Variants in MKLN1 observed in about 807,000 individuals in gnomAD.
The protein encoded by MKLN1 is muskelin 1.
In MKLN1, 18 loss-of-function variants were observed where a neutral mutation model predicts 99.0. That is an observed-to-expected ratio of 0.18 (90% CI 0.13 to 0.27). The LOEUF (loss-of-function observed/expected upper bound fraction) is 0.27. Ranked by LOEUF, MKLN1 falls within the 10% of genes least tolerant of loss-of-function variation. The pLI is 1.00. For missense variants in MKLN1, 621 were observed against 875.9 expected (o/e 0.71, Z 3.67); for synonymous variants, 288 against 293.2 (o/e 0.98, Z 0.18).
intron 16 of MKLN1, among the ~76,000 whole-genome samples, chr7:131,475,668 G>A (rs1185831246): frequency 1.3e-5 from 2 of 152,112 alleles, no homozygotes; most frequent in Non-Finnish European, 2.9e-5. Context: ...CAAAAAATTA[G>A]CTGGGTGGTG....
chr7:131,399,576 A>C lies in MKLN1; in HGVS notation c.703+143A>C, dbSNP rs994891917. ...CGGTTAAAGATTGTTATCTCTTTGG[A>C]TTAGGGACTTCTTTCATGTAAAATA... On this transcript the variant is annotated intron_variant, in intron 6 of 17. Transcript: ENST00000352689. The C allele has an allele frequency of 2.5e-5, 17 of 667,412 alleles. No individual in the cohort carries two copies. The Admixed American group carries it at 3.0e-4, about 12-fold the overall frequency. 41.3% of individuals were successfully genotyped at this position (667,412 alleles called of 1,614,324 possible).
At chr7:131,449,178 GAGAAGAACAAGTAC>G (rs1294862740) in intron 12 of MKLN1, among the ~76,000 whole-genome samples, 6 of 152,198 alleles carry the variant, frequency 3.9e-5, no homozygotes, top group African/African-American at 1.4e-4. Context: ...GAAGAACTGA[GAGAAGAACAAGTAC>G]AGAGTTCCCA....
At chr7:131,395,740 C>CTACG (rs1794341784) in intron 4 of MKLN1, among the ~76,000 whole-genome samples, 1 of 151,086 alleles carries the variant, frequency 6.6e-6, no homozygotes, top group Non-Finnish European at 1.5e-5. Flanking sequence ...GTAGTTTTGA[C>CTACG]TACGTGGGAC....
At chr7:131,381,553 G>T (rs1793845839) in intron 2 of MKLN1, among the ~76,000 whole-genome samples, 1 of 152,072 alleles carries the variant, frequency 6.6e-6, no homozygotes, top group African/African-American at 2.4e-5. Context: ...GAATCAAAAA[G>T]GAGATAAAAG....
chr7:131,120,170 C>CAAAAA (rs34545571), intron 1 of MKLN1, among the ~76,000 whole-genome samples: 5 of 76,464 alleles, frequency 6.5e-5, no homozygotes, highest in African/African-American at 1.2e-4. Flanking sequence ...GACTCCATCT[C>CAAAAA]AAAAAAAAAA....
At position 131,487,673 on chromosome 7, in the gene MKLN1, T is replaced by A; in HGVS notation, c.2153T>A (p.Phe718Tyr). 1 of 1,613,198 alleles carries A rather than the reference T, an allele frequency of 6.2e-7. No homozygotes were observed. Among genetic ancestry groups the A allele is most frequent in the South Asian group, 1.1e-5 (1 of 91,028 alleles). ...TQLFDTLVNF[F>Y]PDSMTPPKGN... ...CTCTTTGACACCTTAGTAAATTTCT[T>A]TCCTGACAGCATGACTCCTCCTAAA... The change falls in exon 18 of 18, where the codon TTT becomes TAT. Residue 718 changes from phenylalanine to tyrosine, a missense_variant. Physicochemically the swap from Phe to Tyr is conservative, Grantham distance 22. This residue lies in a region of MKLN1 where 126 missense variants were observed against 157.4 expected (regional missense o/e 0.80). Transcript: ENST00000352689. This position sits in a 1 kb window ranked among gnomAD's most constrained non-coding sequence, Gnocchi z 4.7.
chr7:131,176,929 G>T (rs1191101144), intron 2 of MKLN1, among the ~76,000 whole-genome samples: 1 of 152,138 alleles, frequency 6.6e-6, no homozygotes. Context: ...GCTTCATATA[G>T]GTAAATGGGC....
chr7:131,163,059 G>A (rs750216336), intron 2 of MKLN1, among the ~76,000 whole-genome samples: 9 of 152,132 alleles, frequency 5.9e-5, no homozygotes, highest in African/African-American at 7.2e-5. Flanking sequence ...AGCTTAGAGC[G>A]CTTAAGTCAA....
chr7:131,298,428 C>A (rs1798327222), intron 3 of MKLN1, among the ~76,000 whole-genome samples: 1 of 152,158 alleles, frequency 6.6e-6, no homozygotes, highest in Admixed American at 6.5e-5. Flanking sequence ...AGAGGACAGC[C>A]TCTATCTGGG....
At chr7:131,483,369 C>A (rs1797179596) in intron 17 of MKLN1, among the ~76,000 whole-genome samples, 1 of 152,182 alleles carries the variant, frequency 6.6e-6, no homozygotes, top group Admixed American at 6.5e-5. Context: ...TACACACACA[C>A]AACCATATAC....
upstream of MKLN1, among the ~76,000 whole-genome samples, chr7:131,326,517 G>A (rs569699715): frequency 1.6e-4 from 25 of 152,178 alleles, no homozygotes; most frequent in East Asian, 4.4e-3. Context: ...GCTAACTTTT[G>A]TATTTTTAGT....
intron 6 of MKLN1, among the ~76,000 whole-genome samples, chr7:131,406,902 A>C (rs1001197203): frequency 1.3e-5 from 2 of 151,840 alleles, no homozygotes; most frequent in African/African-American, 2.4e-5. Context: ...TAAATATTTT[A>C]TATTTGTTTT....
intron 1 of MKLN1, among the ~76,000 whole-genome samples, chr7:131,136,378 A>C (rs1181799163): frequency 6.6e-6 from 1 of 152,238 alleles, no homozygotes; most frequent in Admixed American, 6.5e-5. Context: ...TATTGAAATA[A>C]TAATGGAGAT....
intron 3 of MKLN1, among the ~76,000 whole-genome samples, chr7:131,234,840 C>A (rs549385698): frequency 1.3e-5 from 2 of 152,322 alleles, no homozygotes; most frequent in South Asian, 2.1e-4. Context: ...TTGAACCAGA[C>A]AACTTTCTCT....
rs111595195 is a variant in MKLN1, at chr7:131,363,944, T to G, written c.99-11480T>G. Among the ~76,000 whole-genome samples the G allele has an allele frequency of 3.1e-3, 473 of 152,182 alleles. 1 individual carries two copies. Among genetic ancestry groups the G allele is most frequent in the African/African-American group, 0.011 (451 of 41,550 alleles). On this transcript the variant is annotated intron_variant, in intron 1 of 17. Coordinates refer to ENST00000352689, the MANE Select transcript of MKLN1 (RefSeq NM_013255.5). Reference sequence around the variant, plus strand: ...ATGGTGTTCCCAGAGCCTATCACATTGTCTAGCACAAGACTAGGACTCAGT... The same window carrying G: ...ATGGTGTTCCCAGAGCCTATCACATGGTCTAGCACAAGACTAGGACTCAGT...
At chr7:131,295,048 C>G (rs73722805) in intron 3 of MKLN1, among the ~76,000 whole-genome samples, 5,323 of 152,248 alleles carry the variant, frequency 0.035, 303 homozygotes, top group African/African-American at 0.12. Context: ...ATTTCTTAAC[C>G]TCTACCGTGT....
intron 3 of MKLN1, among the ~76,000 whole-genome samples, chr7:131,210,113 C>T (rs1408824240): frequency 2.0e-5 from 3 of 152,094 alleles, no homozygotes; most frequent in African/African-American, 7.2e-5. Context: ...CTCTTCTAAC[C>T]ATGTTGGTTT....
chr7:131,118,550 T>C (rs1472809018), intron 1 of MKLN1, among the ~76,000 whole-genome samples: 1 of 14,524 alleles, frequency 6.9e-5, no homozygotes, highest in African/African-American at 2.0e-4. Flanking sequence ...CAAAACTCTG[T>C]CTCAAAAAAA....
intron 9 of MKLN1, among the ~76,000 whole-genome samples, chr7:131,437,065 A>AT (rs1241557752): frequency 6.6e-6 from 1 of 151,654 alleles, no homozygotes; most frequent in Non-Finnish European, 1.5e-5. Context: ...TAGAGATTTT[A>AT]TTTTTTTTAT....
Sources: allele counts gnomAD v4.1 joint callset (sites outside exome capture counted in the v4.1 genomes callset), GRCh38; gene constraint gnomAD v4.1.1; regional missense constraint gnomAD v4.1.1; non-coding constraint Gnocchi (gnomAD v3.1); transcripts MANE v1.5; gene names NCBI Gene and HGNC (gene_info 2026-07-23, HGNC 2026-07-21).